Variants in GRM8 observed in about 807,000 individuals in gnomAD.
The protein encoded by GRM8 is glutamate metabotropic receptor 8.
Under a neutral mutation model 87.2 loss-of-function variants are expected in GRM8, and 47 were observed. That is an observed-to-expected ratio of 0.54 (90% CI 0.43 to 0.69). The LOEUF is 0.69. GRM8 is among the 30% of genes least tolerant of loss of function. The pLI, the probability that GRM8 is intolerant of heterozygous loss-of-function variation, is 0.00. For missense variants in GRM8, 1,019 were observed against 1,139.2 expected (o/e 0.89, Z 1.52); for synonymous variants, 396 against 404.5 (o/e 0.98, Z 0.25).
At chr7:126,669,610 C>T (rs2151302550) in intron 7 of GRM8, among the ~76,000 whole-genome samples, 1 of 152,266 alleles carries the variant, frequency 6.6e-6, no homozygotes, top group African/African-American at 2.4e-5. Context: ...ATTGGTAAGG[C>T]CTGGGGACTA....
Position 126,701,728 on chromosome 7 carries a change from G to A in GRM8, c.1357+68137C>T, listed in dbSNP as rs142560987. 20 of 822,458 alleles carry A rather than the reference G, an allele frequency of 2.4e-5. No homozygotes were observed. The East Asian group carries it at 1.3e-3, about 52-fold the overall frequency. The allele number at this position is 822,458 out of a possible 1,614,324, so 50.9% of individuals were successfully genotyped here. On this transcript the variant is annotated intron_variant, in intron 7 of 10. Transcript: ENST00000339582. ...ATCCTACAAGAAGTATAAAACTATT[G>A]TTATAGTCCATGCAACCAAAATTCT...
intron 6 of GRM8, among the ~76,000 whole-genome samples, chr7:126,849,314 A>G (rs1328252337): frequency 6.6e-6 from 1 of 152,210 alleles, no homozygotes; most frequent in Non-Finnish European, 1.5e-5. Context: ...GCTCTACACT[A>G]TACCTGAAAG....
At chr7:126,801,538 A>ACATTAAAC (rs765577735) in intron 6 of GRM8, among the ~76,000 whole-genome samples, 9 of 132,874 alleles carry the variant, frequency 6.8e-5, no homozygotes, top group South Asian at 4.7e-4. Context: ...AGGGCACCAA[A>ACATTAAAC]ATAGTATTAC....
At chr7:126,478,011 C>A (rs189521431) in intron 9 of GRM8, among the ~76,000 whole-genome samples, 14 of 152,242 alleles carry the variant, frequency 9.2e-5, no homozygotes, top group African/African-American at 3.4e-4. Context: ...GTCCACATGG[C>A]CTTCTCTTCT....
intron 6 of GRM8, among the ~76,000 whole-genome samples, chr7:126,794,953 C>G (rs1385790405): frequency 6.6e-6 from 1 of 152,176 alleles, no homozygotes; most frequent in African/African-American, 2.4e-5. Flanking sequence ...GGTCAGACCT[C>G]AGCCCAGAGC....
At chr7:126,916,331 T>A (rs1257496573) in intron 3 of GRM8, among the ~76,000 whole-genome samples, 1 of 152,240 alleles carries the variant, frequency 6.6e-6, no homozygotes, top group Non-Finnish European at 1.5e-5. Context: ...ACTCATTGGA[T>A]GTGTGACAAA....
intron 9 of GRM8, among the ~76,000 whole-genome samples, chr7:126,508,781 T>G (rs978871794): frequency 6.6e-6 from 1 of 152,034 alleles, no homozygotes; most frequent in Non-Finnish European, 1.5e-5. Flanking sequence ...CTAGCATGTG[T>G]TTTGAAGAAT....
intron 2 of GRM8, among the ~76,000 whole-genome samples, chr7:127,196,530 C>CA (rs1247859111): frequency 9.6e-5 from 13 of 135,140 alleles, no homozygotes; most frequent in Admixed American, 2.1e-4. Context: ...AACAAACAAA[C>CA]AAACAAAAAA....
rs1022284202 is a variant in GRM8, at chr7:126,685,753, C to A, written c.1358-76255G>T. 2.2e-4 allele frequency among the ~76,000 whole-genome samples: 33 copies of A among 152,050 alleles called. No individual in the cohort carries two copies. The highest frequency in any genetic ancestry group is 8.0e-4 in the African/African-American group (33 of 41,406). ...AGCGGGGTACTGGCCTGCAGGCGCC[C>A]CTTGGCATGAACGGTCTGGGTGCGA... is the stretch of plus-strand genomic sequence containing the variant. On this transcript the variant is annotated intron_variant, in intron 7 of 10. Coordinates refer to ENST00000339582, the MANE Select transcript of GRM8 (RefSeq NM_000845.3). This position sits in a 1 kb window ranked among gnomAD's most constrained non-coding sequence, Gnocchi z 4.2.
chr7:127,017,148 T>C (rs1317041532), intron 3 of GRM8, among the ~76,000 whole-genome samples: 1 of 152,082 alleles, frequency 6.6e-6, no homozygotes, highest in Non-Finnish European at 1.5e-5. Context: ...AATCTGTAGA[T>C]TTTAATACTG....
chr7:126,748,976 A>T (rs550127802), intron 7 of GRM8, among the ~76,000 whole-genome samples: 136 of 152,250 alleles, frequency 8.9e-4, no homozygotes, highest in African/African-American at 3.1e-3. Context: ...ATATTTTAAA[A>T]TTACCCTTCA....
intron 3 of GRM8, among the ~76,000 whole-genome samples, chr7:127,027,476 G>C (rs1171594061): frequency 6.6e-6 from 1 of 152,180 alleles, no homozygotes; most frequent in Non-Finnish European, 1.5e-5. Flanking sequence ...AGCATGGAAT[G>C]TTCTTCCATT....
At chr7:126,872,438 T>C (rs576530586) in intron 6 of GRM8, among the ~76,000 whole-genome samples, 5 of 152,224 alleles carry the variant, frequency 3.3e-5, no homozygotes, top group Non-Finnish European at 7.4e-5. Context: ...ATTAGGAGTA[T>C]TAATTCTTTC....
chr7:126,804,714 C>G (rs749218409), intron 6 of GRM8, among the ~76,000 whole-genome samples: 1 of 152,170 alleles, frequency 6.6e-6, no homozygotes, highest in Non-Finnish European at 1.5e-5. Context: ...CCTTTCTTTA[C>G]GGCTGATTAC....
chr7:126,940,267 A>G (rs554572816), intron 3 of GRM8, among the ~76,000 whole-genome samples: 6 of 152,330 alleles, frequency 3.9e-5, no homozygotes, highest in African/African-American at 1.4e-4. Context: ...TATTTTTTAA[A>G]TAATCAATTT....
chr7:126,539,818 C>T (rs1381213092), intron 8 of GRM8, among the ~76,000 whole-genome samples: 1 of 151,724 alleles, frequency 6.6e-6, no homozygotes, highest in Non-Finnish European at 1.5e-5. Context: ...GGATCCAAGA[C>T]ACAATGCAAC....
chr7:127,090,446 C>T (rs1823945889), intron 3 of GRM8, among the ~76,000 whole-genome samples: 1 of 152,150 alleles, frequency 6.6e-6, no homozygotes, highest in African/African-American at 2.4e-5. Context: ...TGGAACATTC[C>T]AAACCAATTG....
intron 3 of GRM8, among the ~76,000 whole-genome samples, chr7:127,033,143 C>T (rs907861003): frequency 6.6e-6 from 1 of 151,300 alleles, no homozygotes; most frequent in South Asian, 2.1e-4. Flanking sequence ...ACAATGTTTC[C>T]TCCACTTAAA....
In GRM8 at chr7:126,685,998, C is replaced by G. The variant is rs1431241036; in HGVS notation, c.1358-76500G>C. 1.3e-5 allele frequency among the ~76,000 whole-genome samples: 2 copies of G among 151,702 alleles called. No homozygotes were observed. Among genetic ancestry groups the G allele is most frequent in the Non-Finnish European group, 2.9e-5 (2 of 67,950 alleles). ...TCTGAGGCCCATAAAAACCCCCAGA[C>G]TCAGCCAGACTCAAGCAGAGGACAG... is the stretch of plus-strand genomic sequence containing the variant. On this transcript the variant is annotated intron_variant, in intron 7 of 10. Transcript: ENST00000339582. The surrounding 1 kb of genome is among the most constrained non-coding windows in gnomAD (Gnocchi z 4.2).
Sources: gnomAD v4.1 joint callset for allele counts (sites outside exome capture counted in the v4.1 genomes callset) on GRCh38, gnomAD v4.1.1 for gene constraint, Gnocchi (gnomAD v3.1) non-coding constraint, MANE v1.5 for transcripts, NCBI Gene and HGNC (gene_info 2026-07-23, HGNC 2026-07-21) for gene names.